The following L3MBTL3 variants were observed in gnomAD, a reference collection of about 807,000 sequenced individuals.
The protein encoded by L3MBTL3 is lethal(3)malignant brain tumor-like protein 3.
In L3MBTL3, 27 loss-of-function variants were observed where a neutral mutation model predicts 102.3. The ratio of observed to expected loss-of-function variants is 0.26; its 90% CI spans 0.19 to 0.36. L3MBTL3 has a LOEUF of 0.36. Ranked by LOEUF, L3MBTL3 falls within the 10% of genes least tolerant of loss-of-function variation. L3MBTL3 has a pLI of 1.00. For synonymous variants in L3MBTL3, 340 were observed against 320.9 expected (o/e 1.06, Z -0.64); for missense variants, 798 against 955.3 (o/e 0.84, Z 2.17).
At chr6:130,132,885 T>G (rs1787213582) in intron 20 of L3MBTL3, among the ~76,000 whole-genome samples, 2 of 152,218 alleles carry the variant, frequency 1.3e-5, no homozygotes, top group Non-Finnish European at 2.9e-5. Context: ...CATTTGCATT[T>G]CTGCTGTTTT....
intron 13 of L3MBTL3, among the ~76,000 whole-genome samples, chr6:130,074,104 T>G (rs1244859924): frequency 6.6e-6 from 1 of 152,196 alleles, no homozygotes; most frequent in Non-Finnish European, 1.5e-5. Flanking sequence ...GGTTACAGAT[T>G]GGGTTGCCTT....
chr6:130,049,945 A>C, intron 5 of L3MBTL3, 115 bp downstream of exon 5: 2 of 1,290,092 alleles, frequency 1.6e-6, no homozygotes, highest in Non-Finnish European at 2.1e-6. Context: ...AGCACCATCC[A>C]CCCAGTGGAC....
At chr6:130,068,937 G>A (rs989629129) in intron 12 of L3MBTL3, among the ~76,000 whole-genome samples, 6 of 152,118 alleles carry the variant, frequency 3.9e-5, no homozygotes, top group Admixed American at 1.3e-4. Flanking sequence ...TCCATTGGCC[G>A]ACTTGATCCA....
chr6:130,073,930 T>A (rs1430196051), intron 13 of L3MBTL3, among the ~76,000 whole-genome samples: 1 of 152,200 alleles, frequency 6.6e-6, no homozygotes, highest in African/African-American at 2.4e-5. Context: ...GTTAATTCTC[T>A]GAAAACGAAA....
intron 14 of L3MBTL3, among the ~76,000 whole-genome samples, chr6:130,083,020 A>G (rs1013781607): frequency 5.3e-5 from 8 of 152,064 alleles, no homozygotes; most frequent in East Asian, 1.9e-4. Flanking sequence ...GCTCATGCCT[A>G]CCTAATGGAT....
intron 19 of L3MBTL3, among the ~76,000 whole-genome samples, chr6:130,105,455 A>C (rs1327905212): frequency 2.0e-5 from 3 of 152,022 alleles, no homozygotes; most frequent in Non-Finnish European, 2.9e-5. Context: ...TAAATCCTTA[A>C]AACCACGACT....
At chr6:130,023,559 A>G (rs1779144280) in intron 2 of L3MBTL3, among the ~76,000 whole-genome samples, 1 of 152,214 alleles carries the variant, frequency 6.6e-6, no homozygotes, top group African/African-American at 2.4e-5. Flanking sequence ...ACTAAATGTA[A>G]TAACTAGATA....
Position 130,051,250 on chromosome 6 carries a change from CT to C in L3MBTL3, c.295del (p.Ser99GlnfsTer10). Reference protein sequence around the residue: ...WTSPPGCPTVFSEKTGMPFRL... With the variant: ...WTSPPGCPTVXSEKTGMPFRL... ...GCATTTCTTCTTTTCATCTTCTAGT[CT>C]TTTCAGAGAAGACTGGGATGCCTTT... On this transcript the variant is annotated frameshift_variant and splice_region_variant, in exon 6 of 23. Transcript: ENST00000361794. LOFTEE classifies it high-confidence loss of function. 6.2e-7 allele frequency: 1 copy of C among 1,606,220 alleles called. No homozygotes were observed. The highest frequency in any genetic ancestry group is 8.5e-7 in the Non-Finnish European group (1 of 1,175,772).
intron 10 of L3MBTL3, among the ~76,000 whole-genome samples, chr6:130,065,514 A>G (rs1291192957): frequency 1.3e-5 from 2 of 152,138 alleles, no homozygotes; most frequent in African/African-American, 4.8e-5. Flanking sequence ...CTGTACAGCT[A>G]CCTCACTATT....
intron 19 of L3MBTL3, among the ~76,000 whole-genome samples, chr6:130,112,379 T>G (rs1328345826): frequency 6.6e-6 from 1 of 152,192 alleles, no homozygotes; most frequent in African/African-American, 2.4e-5. Context: ...ACATTTCTGT[T>G]CAGTTAAAAC....
rs1186328973 is a variant in L3MBTL3, at chr6:130,038,587, A to G, written c.-15-4098A>G. ...GTCCCCTTTTGAGAAATATCTGTGTAGATCATTTCCCCATTTTCAAATCAG... is the reference window on the plus strand; with the variant it reads ...GTCCCCTTTTGAGAAATATCTGTGTGGATCATTTCCCCATTTTCAAATCAG... On this transcript the variant is annotated intron_variant, in intron 2 of 22. Transcript: ENST00000361794. Among the ~76,000 whole-genome samples, 4 of 152,048 alleles carry G rather than the reference A, an allele frequency of 2.6e-5. No individual in the cohort carries two copies. In the East Asian group the frequency reaches 7.7e-4, roughly 29 times the overall value.
At chr6:130,108,425 G>A (rs567114493) in intron 19 of L3MBTL3, among the ~76,000 whole-genome samples, 29 of 151,558 alleles carry the variant, frequency 1.9e-4, no homozygotes, top group Admixed American at 1.7e-3. Context: ...TAGTGGAGAC[G>A]GAGTTTTACC....
chr6:130,058,070 G>A (rs1248964198), intron 9 of L3MBTL3, among the ~76,000 whole-genome samples: 1 of 144,482 alleles, frequency 6.9e-6, no homozygotes, highest in Non-Finnish European at 1.5e-5. Flanking sequence ...GTGAACCCAG[G>A]AAGTGGAGCT....
At chr6:130,079,822 A>G (rs1783201912) in intron 14 of L3MBTL3, among the ~76,000 whole-genome samples, 2 of 152,222 alleles carry the variant, frequency 1.3e-5, no homozygotes, top group East Asian at 1.9e-4. Context: ...AGGACCTATC[A>G]TTCCTGTAAC....
Position 130,133,962 on chromosome 6 carries a change from C to A in L3MBTL3, c.2199+57C>A, listed in dbSNP as rs752895676. On this transcript the variant is annotated intron_variant, in intron 22 of 22. Transcript: ENST00000361794. The surrounding 1 kb of genome is among the most constrained non-coding windows in gnomAD (Gnocchi z 4.9). The stretch of plus-strand genomic sequence containing the variant: ...TTAATGGGATCAAAGCACTGAAATG[C>A]AGTGGAAGGTGAAATGTGTGGAATT... 2 of 1,346,150 alleles carry A rather than the reference C, an allele frequency of 1.5e-6. No individual in the cohort carries two copies. Among genetic ancestry groups the A allele is most frequent in the Non-Finnish European group, 1.1e-6 (1 of 939,952 alleles). The allele number at this position is 1,346,150 out of a possible 1,614,324, so 83.4% of individuals were successfully genotyped here. A position where few individuals can be genotyped will look rare whatever the true frequency, so the allele number is the denominator to read the frequency against.
rs772725438 is a variant in L3MBTL3 at position 130,057,431 on chromosome 6, G to A, written c.693G>A (p.Ala231=). The change falls in exon 9 of 23, where the codon GCG becomes GCA. Residue 231 remains alanine, a synonymous_variant. Transcript: ENST00000361794. ...KQGLPPKGKK[A]WCWASYLEEE... ...GTTTGCCTCCTAAAGGAAAGAAAGC[G>A]TGGTGCTGGGCATCCTACCTGGAAG... The A allele has an allele frequency of 1.1e-5, 17 of 1,610,544 alleles. No individual in the cohort carries two copies. Among genetic ancestry groups the A allele is most frequent in the African/African-American group, 2.7e-5 (2 of 74,892 alleles).
chr6:130,060,142 TA>T lies in L3MBTL3; in HGVS notation c.864+4del. The T allele has an allele frequency of 6.4e-7, 1 of 1,555,828 alleles. No individual in the cohort carries two copies. Among genetic ancestry groups the T allele is most frequent in the Non-Finnish European group, 8.8e-7 (1 of 1,137,290 alleles). ...TACTGTGTCCTCACCGTCGCGGAGG[TA>T]AGCTTTGCCTCGTCCTTTATTTTTA... On this transcript the variant is annotated splice_donor_region_variant and intron_variant, in intron 10 of 22. Coordinates refer to ENST00000361794, the MANE Select transcript of L3MBTL3 (RefSeq NM_032438.4).
At chr6:130,068,793 A>G (rs747598049) in intron 12 of L3MBTL3, among the ~76,000 whole-genome samples, 2 of 152,192 alleles carry the variant, frequency 1.3e-5, no homozygotes, top group South Asian at 2.1e-4. Flanking sequence ...TTCAGTTTAC[A>G]TGTAGGAGGT....
At position 130,139,841 on chromosome 6, in the gene L3MBTL3, G is replaced by T. The variant is rs1381291088; in HGVS notation, c.*88G>T. Reference sequence around the variant, plus strand: ...AAGGACGGTTATAACTCCTAAGTGAGAAGTCTCCAAAACTCAAAAGAGCAA... The same window carrying T: ...AAGGACGGTTATAACTCCTAAGTGATAAGTCTCCAAAACTCAAAAGAGCAA... On this transcript the variant is annotated 3_prime_UTR_variant, in exon 23 of 23. Coordinates refer to ENST00000361794, the MANE Select transcript of L3MBTL3 (RefSeq NM_032438.4). The T allele has an allele frequency of 8.0e-7, 1 of 1,251,422 alleles. No homozygotes were observed. Among genetic ancestry groups the T allele is most frequent in the Non-Finnish European group, 1.1e-6 (1 of 883,906 alleles). 77.5% of individuals were successfully genotyped at this position (1,251,422 alleles called of 1,614,324 possible).
Sources: allele counts gnomAD v4.1 joint callset (sites outside exome capture counted in the v4.1 genomes callset), GRCh38; gene constraint gnomAD v4.1.1; non-coding constraint Gnocchi (gnomAD v3.1); transcripts MANE v1.5; gene names NCBI Gene and HGNC (gene_info 2026-07-23, HGNC 2026-07-21).